PTPRH: variants seen among roughly 807,000 people sequenced by gnomAD.
PTPRH encodes receptor-type tyrosine-protein phosphatase H.
A neutral mutation model predicts 130.2 loss-of-function variants in PTPRH; 113 were observed. That is an observed-to-expected ratio of 0.87 (90% CI 0.75 to 1.01). The LOEUF (loss-of-function observed/expected upper bound fraction) is 1.01, where lower values mean the gene tolerates loss of function less well. Among genes scored for constraint, PTPRH ranks in the 50% least tolerant of loss-of-function variants. PTPRH has a pLI of 0.00. For synonymous variants in PTPRH, 556 were observed against 577.9 expected (o/e 0.96, Z 0.54); for missense variants, 1,430 against 1,425.0 (o/e 1.00, Z -0.06).
rs200222743 is a variant in PTPRH at position 55,203,909 on chromosome 19, C to T, written c.759G>A (p.Glu253=). The T allele has an allele frequency of 2.2e-4, 359 of 1,614,072 alleles. 1 individual carries two copies. Among genetic ancestry groups the T allele is most frequent in the Middle Eastern group, 1.6e-3 (10 of 6,084 alleles). ...VQCTGDGGRT[E]TRNTTDTRVT... The stretch of plus-strand genomic sequence containing the variant: ...CTCTGGTGTCTGTTGTGTTTCGAGT[C>T]TCTGTTCTGCCACCATCTCCAGTGC... Residue 253 remains glutamate, a synonymous_variant, in exon 5 of 20, where the codon GAG becomes GAA. Coordinates refer to ENST00000376350, the MANE Select transcript of PTPRH (RefSeq NM_002842.5).
intron 10 of PTPRH, among the ~76,000 whole-genome samples, chr19:55,192,986 T>C (rs1274649461): frequency 1.3e-5 from 2 of 151,634 alleles, no homozygotes; most frequent in Admixed American, 6.6e-5. Context: ...CCCAACACTT[T>C]GGGAGGCTGA....
Position 55,203,910 on chromosome 19 carries a change from T to C in PTPRH, c.758A>G (p.Glu253Gly), listed in dbSNP as rs1358878193. 2 of 1,614,196 alleles carry C rather than the reference T, an allele frequency of 1.2e-6. No homozygotes were observed. The highest frequency in any genetic ancestry group is 3.3e-5 in the Admixed American group (2 of 60,012). Residue 253 changes from glutamate (E) to glycine (G), a missense_variant, in exon 5 of 20, where the codon GAG (glutamate) becomes GGG (glycine). Transcript: ENST00000376350. Reference sequence around the variant, plus strand: ...TCTGGTGTCTGTTGTGTTTCGAGTCTCTGTTCTGCCACCATCTCCAGTGCA... The same window carrying C: ...TCTGGTGTCTGTTGTGTTTCGAGTCCCTGTTCTGCCACCATCTCCAGTGCA... ...VQCTGDGGRTETRNTTDTRVT... is the reference protein window; with the variant it reads ...VQCTGDGGRTGTRNTTDTRVT...
intron 10 of PTPRH, among the ~76,000 whole-genome samples, chr19:55,192,914 C>T (rs1395566149): frequency 1.3e-5 from 2 of 151,844 alleles, no homozygotes; most frequent in African/African-American, 4.8e-5. Flanking sequence ...CCATCATTTT[C>T]ACAGGTGACC....
chr19:55,198,547 G>T, intron 8 of PTPRH, 96 bp downstream of exon 8: 1 of 1,318,952 alleles, frequency 7.6e-7, no homozygotes, highest in Middle Eastern at 2.1e-4. Flanking sequence ...AGAGGCCCAT[G>T]GGTACTCTTC....
chr19:55,197,345 G>C lies in PTPRH; in HGVS notation c.1762C>G (p.Pro588Ala). The change falls in exon 9 of 20, where the codon CCT (proline) becomes GCT (alanine). Residue 588 changes from proline to alanine, a missense_variant. Physicochemically the swap from Pro to Ala is conservative, Grantham distance 27 (BLOSUM62 -1). Coordinates refer to ENST00000376350, the MANE Select transcript of PTPRH (RefSeq NM_002842.5). Reference sequence around the variant, plus strand: ...TACAACTGAGAGTGGGGGTCTCCAGGGGCCTTCCACCACAGCATGACTGAG... The same window carrying C: ...TACAACTGAGAGTGGGGGTCTCCAGCGGCCTTCCACCACAGCATGACTGAG... The part of the protein sequence containing the change: ...KNSVMLWWKA[P>A]GDPHSQLYVY... 1 of 1,614,162 alleles carries C rather than the reference G, an allele frequency of 6.2e-7. No homozygotes were observed. Among genetic ancestry groups the C allele is most frequent in the Non-Finnish European group, 8.5e-7 (1 of 1,180,010 alleles).
At chr19:55,193,285 G>T (rs1298690422) in intron 10 of PTPRH, among the ~76,000 whole-genome samples, 1 of 151,426 alleles carries the variant, frequency 6.6e-6, no homozygotes, top group Non-Finnish European at 1.5e-5. Flanking sequence ...CAACAAAATA[G>T]CTGGGCATGG....
chr19:55,196,638 T>C lies in PTPRH; in HGVS notation c.2141A>G (p.Glu714Gly). Reference protein sequence around the residue: ...RGSQDRSSCGEAVSVLGLGPA... With the variant: ...RGSQDRSSCGGAVSVLGLGPA... The stretch of plus-strand genomic sequence containing the variant: ...CCCGAGACCCAACACAGACACAGCC[T>C]CCCCACATGAAGATCTGTCCTGGGA... The change falls in exon 10 of 20, where the codon GAG becomes GGG. Residue 714 changes from glutamate (E) to glycine (G), a missense_variant. Glu to Gly is a moderately conservative substitution (Grantham distance 98). Transcript: ENST00000376350. The C allele has an allele frequency of 6.2e-7, 1 of 1,613,638 alleles. No homozygotes were observed. Among genetic ancestry groups the C allele is most frequent in the Non-Finnish European group, 8.5e-7 (1 of 1,179,916 alleles).
At chr19:55,206,020 G>A (rs1465524813) in intron 3 of PTPRH, among the ~76,000 whole-genome samples, 1 of 152,126 alleles carries the variant, frequency 6.6e-6, no homozygotes, top group African/African-American at 2.4e-5. Context: ...ATCACCTGAG[G>A]TCAGGAGTTC....
chr19:55,186,263 T>C lies in PTPRH; in HGVS notation c.2740A>G (p.Thr914Ala). Residue 914 changes from threonine to alanine, a missense_variant, in exon 16 of 20, where the codon ACC becomes GCC. Transcript: ENST00000376350. Reference sequence around the variant, plus strand: ...ATGCAGTTGGTCAGCATGACCAGGGTGTGGCTCTGCTGTTCCCACACCAGG... The same window carrying C: ...ATGCAGTTGGTCAGCATGACCAGGGCGTGGCTCTGCTGTTCCCACACCAGG... ...WRLVWEQQSH[T>A]LVMLTNCMEA... 3.7e-6 allele frequency: 6 copies of C among 1,613,520 alleles called. No individual in the cohort carries two copies. Among genetic ancestry groups the C allele is most frequent in the South Asian group, 1.1e-5 (1 of 91,052 alleles).
At chr19:55,189,042 G>A (rs1169283177) in intron 12 of PTPRH, among the ~76,000 whole-genome samples, 1 of 152,140 alleles carries the variant, frequency 6.6e-6, no homozygotes, top group African/African-American at 2.4e-5. Context: ...TTGGAGTGCA[G>A]TGGTGTGATC....
chr19:55,187,149 T>C (rs530312159), intron 14 of PTPRH, among the ~76,000 whole-genome samples: 220 of 147,912 alleles, frequency 1.5e-3, no homozygotes, highest in African/African-American at 5.0e-3. Flanking sequence ...ATCGAGACCA[T>C]CCTGGCTAAC....
At position 55,191,652 on chromosome 19, in the gene PTPRH, C is replaced by T. The variant is rs761976036; in HGVS notation, c.2336+11G>A. Reference sequence around the variant, plus strand: ...CACCCTCCAGGCGGTCAGCCCTGTGCTGAGTCTCACCTCCTCTTCAGGAAG... The same window carrying T: ...CACCCTCCAGGCGGTCAGCCCTGTGTTGAGTCTCACCTCCTCTTCAGGAAG... On this transcript the variant is annotated intron_variant, in intron 11 of 19. Coordinates refer to ENST00000376350, the MANE Select transcript of PTPRH (RefSeq NM_002842.5). 6.2e-7 allele frequency: 1 copy of T among 1,613,762 alleles called. No homozygotes were observed. The highest frequency in any genetic ancestry group is 8.5e-7 in the Non-Finnish European group (1 of 1,179,628).
chr19:55,187,648 A>T (rs760992210), intron 13 of PTPRH, 45 bp from the exon 14 acceptor site: 1 of 1,466,528 alleles, frequency 6.8e-7, no homozygotes, highest in South Asian at 1.1e-5. Flanking sequence ...GATTTTCTCT[A>T]CTTTCCCTCG....
Position 55,197,136 on chromosome 19 carries a change from C to T in PTPRH, c.1971G>A (p.Gln657=). 1.2e-6 allele frequency: 2 copies of T among 1,614,188 alleles called. No homozygotes were observed. The highest frequency in any genetic ancestry group is 1.7e-6 in the Non-Finnish European group (2 of 1,180,012). ...AERNDVASST[Q]SLCASTYPDT... is the part of the protein sequence containing the mutation. Reference sequence around the variant, plus strand: ...TCTCACATGTGGACGCACAGAGGCTCTGCGTGGAACTGGCTACGTCATTCC... The same window carrying T: ...TCTCACATGTGGACGCACAGAGGCTTTGCGTGGAACTGGCTACGTCATTCC... The change falls in exon 9 of 20, where the codon CAG becomes CAA. Residue 657 remains glutamine (Q), a synonymous_variant. Transcript: ENST00000376350.
chr19:55,207,070 T>C, intron 2 of PTPRH, 96 bp downstream of exon 2: 3 of 1,577,316 alleles, frequency 1.9e-6, no homozygotes, highest in Admixed American at 1.8e-5. Context: ...ACCCCTACCA[T>C]GGACCACTGG....
At chr19:55,197,969 T>C (rs543495192) in intron 8 of PTPRH, among the ~76,000 whole-genome samples, 7 of 152,280 alleles carry the variant, frequency 4.6e-5, no homozygotes, top group African/African-American at 9.6e-5. Context: ...TCTCAGTGCT[T>C]TGGGAGGCCG....
chr19:55,189,488 T>G (rs1274149778), intron 12 of PTPRH, among the ~76,000 whole-genome samples: 4 of 152,130 alleles, frequency 2.6e-5, no homozygotes, highest in Non-Finnish European at 2.9e-5. Context: ...CTCCCCTTCC[T>G]CACTCTGCTC....
At chr19:55,185,018 T>A (rs1481620151) in intron 18 of PTPRH, among the ~76,000 whole-genome samples, 4 of 151,494 alleles carry the variant, frequency 2.6e-5, no homozygotes, top group Admixed American at 6.6e-5. Context: ...CTTTTTTTTT[T>A]AATCGAGACA....
chr19:55,206,644 T>C, intron 3 of PTPRH, 45 bp downstream of exon 3: 2 of 1,529,804 alleles, frequency 1.3e-6, no homozygotes, highest in Non-Finnish European at 1.8e-6. Flanking sequence ...CCCCTACCAC[T>C]GTCCTTATAA....
Sources: allele counts gnomAD v4.1 joint callset (sites outside exome capture counted in the v4.1 genomes callset), GRCh38; gene constraint gnomAD v4.1.1; transcripts MANE v1.5; gene names NCBI Gene and HGNC (gene_info 2026-07-23, HGNC 2026-07-21).